Variants in TUBB8 observed in about 807,000 individuals in gnomAD.
The protein encoded by TUBB8 is tubulin beta 8 class VIII, also known as tubulin beta-8 chain.
A neutral mutation model predicts 33.7 loss-of-function variants in TUBB8; 25 were observed. That is an observed-to-expected ratio of 0.74 (90% CI 0.54 to 1.04). The LOEUF is 1.04. TUBB8 is among the 50% of genes least tolerant of loss of function. The pLI is 0.00. For missense variants in TUBB8, 279 were observed against 608.0 expected (o/e 0.46, Z 5.69); for synonymous variants, 245 against 240.1 (o/e 1.02, Z -0.19).
chr10:64,861 G>A (rs1834649318), intron 1 of TUBB8, among the ~76,000 whole-genome samples: 1 of 151,978 alleles, frequency 6.6e-6, no homozygotes, highest in Admixed American at 6.6e-5. Flanking sequence ...GTGCAGGCTG[G>A]CGTGGTGGCT....
chr10:52,767 A>T (rs1478541115), upstream of TUBB8, among the ~76,000 whole-genome samples: 1 of 152,226 alleles, frequency 6.6e-6, no homozygotes, highest in African/African-American at 2.4e-5. Flanking sequence ...GTGGCCAGTA[A>T]AAAAATGTGG....
chr10:69,213 T>C (rs1339416617), intron 1 of TUBB8, among the ~76,000 whole-genome samples: 1 of 152,216 alleles, frequency 6.6e-6, no homozygotes, highest in Non-Finnish European at 1.5e-5. Context: ...ACACACTGTG[T>C]GCTCCTTCCT....
upstream of TUBB8, among the ~76,000 whole-genome samples, chr10:51,265 T>C (rs1554739556): frequency 6.6e-6 from 1 of 152,206 alleles, no homozygotes; most frequent in African/African-American, 2.4e-5. Flanking sequence ...CCCACCACCA[T>C]GCCTGTCTAA....
At chr10:70,460 A>G (rs1414538513) in intron 1 of TUBB8, among the ~76,000 whole-genome samples, 1 of 152,094 alleles carries the variant, frequency 6.6e-6, no homozygotes, top group Non-Finnish European at 1.5e-5. Flanking sequence ...CAGTCCCCAG[A>G]TATTTTTTAA....
intron 1 of TUBB8, among the ~76,000 whole-genome samples, chr10:60,570 G>C (rs1554740710): frequency 6.6e-6 from 1 of 152,106 alleles, no homozygotes; most frequent in East Asian, 1.9e-4. Flanking sequence ...AAAAAGTCAG[G>C]AAACAACAGG....
intron 1 of TUBB8, among the ~76,000 whole-genome samples, chr10:61,168 A>G (rs1377488389): frequency 6.6e-6 from 1 of 152,024 alleles, no homozygotes; most frequent in African/African-American, 2.4e-5. Flanking sequence ...TGGCACATGT[A>G]TACATATGTA....
intron 1 of TUBB8, among the ~76,000 whole-genome samples, chr10:56,044 A>T (rs1474044001): frequency 9.9e-5 from 15 of 152,202 alleles, no homozygotes; most frequent in African/African-American, 3.4e-4. Flanking sequence ...TTTGATACAG[A>T]TGGCATGAAA....
At chr10:68,804 C>T (rs1308372712) in intron 1 of TUBB8, among the ~76,000 whole-genome samples, 1 of 152,212 alleles carries the variant, frequency 6.6e-6, no homozygotes, top group Non-Finnish European at 1.5e-5. Context: ...CCTGACAATC[C>T]AATCCAGGGA....
chr10:49,233 C>T lies in TUBB8; in HGVS notation c.6G>A (p.Arg2=), dbSNP rs1554739063. The T allele has an allele frequency of 1.3e-6, 2 of 1,585,356 alleles. No homozygotes were observed. Among genetic ancestry groups the T allele is most frequent in the African/African-American group, 1.3e-5 (1 of 74,318 alleles). The change falls in exon 1 of 4, where the codon AGG becomes AGA. Residue 2 remains arginine, a synonymous_variant. Coordinates refer to ENST00000568584, the MANE Select transcript of TUBB8 (RefSeq NM_177987.3). ...GCCCGATCTGCGTGAGCACGATCTC[C>T]CTCATGGCCAAGGCGGGATTAGGAC... M[R]EIVLTQIGQC...
rs201828096 is a variant in TUBB8 at position 48,619 on chromosome 10, G to A, written c.273C>T (p.Ile91=). 36 of 1,611,686 alleles carry A rather than the reference G, an allele frequency of 2.2e-5. No individual in the cohort carries two copies. The highest frequency in any genetic ancestry group is 5.0e-5 in the Admixed American group (3 of 59,998). The part of the protein sequence containing the change: ...FGQVFRPDNF[I]FGQCGAGNNW... Reference sequence around the variant, plus strand: ...CAGTCCTCGCCCGCAGCTCACCGAAGATGAAGTTGTCTGGCCTGAAGACCT... The same window carrying A: ...CAGTCCTCGCCCGCAGCTCACCGAAAATGAAGTTGTCTGGCCTGAAGACCT... Residue 91 remains isoleucine (I), a synonymous_variant, in exon 3 of 4, where the codon ATC becomes ATT. Coordinates refer to ENST00000568584, the MANE Select transcript of TUBB8 (RefSeq NM_177987.3).
At chr10:55,945 C>A (rs1332045572) in intron 1 of TUBB8, among the ~76,000 whole-genome samples, 2 of 152,328 alleles carry the variant, frequency 1.3e-5, no homozygotes, top group Admixed American at 6.5e-5. Context: ...GGTTTATATA[C>A]TCAGAATAGC....
At chr10:51,517 T>A (rs1284508810), upstream of TUBB8, among the ~76,000 whole-genome samples, 3 of 152,182 alleles carry the variant, frequency 2.0e-5, no homozygotes, top group Non-Finnish European at 4.4e-5. Flanking sequence ...CAACTGTGAG[T>A]CAATTAAACC....
At chr10:76,373 G>C (rs1401274384), upstream of TUBB8, among the ~76,000 whole-genome samples, 1 of 152,278 alleles carries the variant, frequency 6.6e-6, no homozygotes, top group African/African-American at 2.4e-5. Flanking sequence ...AGGGACGCTC[G>C]TACAAAGTGA....
chr10:48,634 C>T lies in TUBB8; in HGVS notation c.258G>A (p.Arg86=). Residue 86 remains arginine (R), a synonymous_variant, in exon 3 of 4, where the codon AGG becomes AGA. Transcript: ENST00000568584. ...GCTCACCGAAGATGAAGTTGTCTGG[C>T]CTGAAGACCTGCCCGAAGGGCCCCG... ...VRSGPFGQVF[R]PDNFIFGQCG... is the part of the protein sequence containing the mutation. 2 of 1,612,322 alleles carry T rather than the reference C, an allele frequency of 1.2e-6. No individual in the cohort carries two copies. The highest frequency in any genetic ancestry group is 2.2e-5 in the East Asian group (1 of 44,876).
intron 3 of TUBB8, chr10:48,325 C>A (rs1834397672): frequency 1.6e-6 from 1 of 644,606 alleles, no homozygotes; most frequent in Non-Finnish European, 2.8e-6. Context: ...GACGGGTTCA[C>A]AGACCTCGCT....
chr10:72,218 T>C (rs1284703535), intron 1 of TUBB8, among the ~76,000 whole-genome samples: 3 of 143,868 alleles, frequency 2.1e-5, no homozygotes, highest in African/African-American at 2.6e-5. Flanking sequence ...GGAGCTAAAC[T>C]CTGTCTCAAA....
At chr10:51,984 C>A (rs575985320), upstream of TUBB8, among the ~76,000 whole-genome samples, 1 of 152,288 alleles carries the variant, frequency 6.6e-6, no homozygotes, top group African/African-American at 2.4e-5. Context: ...AGAAAGGCAA[C>A]AATATGCAGA....
At chr10:57,522 GTACACTCACAGGCC>G (rs1338823126) in intron 1 of TUBB8, among the ~76,000 whole-genome samples, 102 of 152,314 alleles carry the variant, frequency 6.7e-4, no homozygotes, top group African/African-American at 2.4e-3. Flanking sequence ...CTTGCATTTT[GTACACTCACAGGCC>G]TAACACCATA....
At chr10:60,115 G>A (rs1318892852) in intron 1 of TUBB8, among the ~76,000 whole-genome samples, 14 of 152,028 alleles carry the variant, frequency 9.2e-5, no homozygotes, top group Middle Eastern at 6.8e-3. Context: ...TTTTATTTCT[G>A]CTCTAATTTT....
Sources: allele counts gnomAD v4.1 joint callset (sites outside exome capture counted in the v4.1 genomes callset), GRCh38; gene constraint gnomAD v4.1.1; transcripts MANE v1.5; gene names NCBI Gene and HGNC (gene_info 2026-07-23, HGNC 2026-07-21).